The following DKC1 variants were observed in gnomAD, a reference collection of about 807,000 sequenced individuals.
The protein encoded by DKC1 is dyskerin pseudouridine synthase 1.
In DKC1, 4 loss-of-function variants were observed where a neutral mutation model predicts 46.7. That is an observed-to-expected ratio of 0.09 (90% CI 0.04 to 0.20). The LOEUF (loss-of-function observed/expected upper bound fraction) is 0.20, where lower values mean the gene tolerates loss of function less well. Among genes scored for constraint, DKC1 ranks in the 10% least tolerant of loss-of-function variants. The pLI, the probability that DKC1 is intolerant of heterozygous loss-of-function variation, is 1.00. For synonymous variants in DKC1, 141 were observed against 142.4 expected, an observed-to-expected ratio of 0.99 and a Z score of 0.07; for missense variants, 171 against 404.2, an observed-to-expected ratio of 0.42 and a Z score of 4.95.
At chrX:154,769,059 A>C (rs1557264628) in intron 8 of DKC1, 108 bp from the exon 9 acceptor site, 1 of 747,925 alleles carries the variant, frequency 1.3e-6, no homozygotes, top group East Asian at 3.2e-5. Context: ...CTGAAGACAT[A>C]ATGAGCTTGG....
intron 11 of DKC1, among the ~76,000 whole-genome samples, chrX:154,773,471 T>C (rs2148515412): frequency 9.1e-6 from 1 of 109,320 alleles, no homozygotes; most frequent in African/African-American, 3.4e-5. Context: ...TCTGTGTCCC[T>C]GATTACTTGA....
At chrX:154,767,619 T>G (rs1396685763) in intron 7 of DKC1, among the ~76,000 whole-genome samples, 1 of 112,108 alleles carries the variant, frequency 8.9e-6, no homozygotes, top group East Asian at 2.8e-4. Context: ...AATGTTTTCA[T>G]TCTGCATTTG....
intron 1 of DKC1, among the ~76,000 whole-genome samples, chrX:154,764,182 T>A (rs1056607752): frequency 9.4e-6 from 1 of 105,950 alleles, no homozygotes; most frequent in Admixed American, 1.0e-4. Context: ...TATATATATA[T>A]AAATATGTGT....
At chrX:154,766,665 T>C in intron 5 of DKC1, 1 of 435,678 alleles carries the variant, frequency 2.3e-6, no homozygotes. Flanking sequence ...CACTCCAGGC[T>C]TCTCACTCTG....
chrX:154,766,419 G>C lies in DKC1; in HGVS notation c.448+19G>C. ...AGTGCAGGTATGTGGGAGAGGGAGG[G>C]AAGGACTGGCTAGAGTGAAAAGCTT... is the stretch of plus-strand genomic sequence containing the variant. On this transcript the variant is annotated intron_variant, in intron 5 of 14. Coordinates refer to ENST00000369550, the MANE Select transcript of DKC1 (RefSeq NM_001363.5). The C allele has an allele frequency of 1.7e-6, 2 of 1,189,587 alleles. No homozygotes were observed. Among genetic ancestry groups the C allele is most frequent in the East Asian group, 3.0e-5 (1 of 33,777 alleles).
chrX:154,770,744 G>A lies in DKC1; in HGVS notation c.916-15G>A. On this transcript the variant is annotated splice_polypyrimidine_tract_variant and intron_variant, in intron 9 of 14. Coordinates refer to ENST00000369550, the MANE Select transcript of DKC1 (RefSeq NM_001363.5). ...GCAGCAGCTGGGCCCCTTACACTTG[G>A]TGCCATCTCTGCAGGTAAATGCCAT... 8.3e-7 allele frequency: 1 copy of A among 1,211,162 alleles called. No individual in the cohort carries two copies. The highest frequency in any genetic ancestry group is 1.1e-6 in the Non-Finnish European group (1 of 895,232).
At chrX:154,776,040 A>T in intron 13 of DKC1, 147 bp from the exon 14 acceptor site, 1 of 713,649 alleles carries the variant, frequency 1.4e-6, no homozygotes, top group Non-Finnish European at 2.2e-6. Context: ...TCAGTAAACT[A>T]AGGCCCTGTC....
chrX:154,776,337 A>G lies in DKC1; in HGVS notation c.1476+13A>G, dbSNP rs781810616. On this transcript the variant is annotated intron_variant, in intron 14 of 14. Coordinates refer to ENST00000369550, the MANE Select transcript of DKC1 (RefSeq NM_001363.5). ...GCCTGGAGATGGGGTGTGTGGAAAC[A>G]CGTTCAGGTTCCTTGGGCTGGCTTA... 2 of 1,180,411 alleles carry G rather than the reference A, an allele frequency of 1.7e-6. No individual in the cohort carries two copies. Among genetic ancestry groups the G allele is most frequent in the East Asian group, 6.3e-5 (2 of 31,830 alleles).
Position 154,776,819 on chromosome X carries a change from G to T in DKC1, c.1497G>T (p.Lys499Asn). Residue 499 changes from lysine (K) to asparagine (N), a missense_variant, in exon 15 of 15, where the codon AAG becomes AAT. Lys to Asn is a moderately conservative substitution (Grantham distance 94). This residue lies in a region of DKC1 where 54 missense variants were observed against 64.4 expected (regional missense o/e 0.84). Coordinates refer to ENST00000369550, the MANE Select transcript of DKC1 (RefSeq NM_001363.5). Reference sequence around the variant, plus strand: ...TCTAGGACAGTGATACCACCAAGAAGAAGAAGAAGAAGAAGAAAGCAAAAG... The same window carrying T: ...TCTAGGACAGTGATACCACCAAGAATAAGAAGAAGAAGAAGAAAGCAAAAG... The part of the protein sequence containing the change: ...PGDGDSDTTK[K>N]KKKKKKAKEV... 8.4e-7 allele frequency: 1 copy of T among 1,193,359 alleles called. No individual in the cohort carries two copies. The highest frequency in any genetic ancestry group is 1.1e-6 in the Non-Finnish European group (1 of 882,253).
At chrX:154,763,032 CG>C (rs2071700137) in intron 1 of DKC1, 51 bp downstream of exon 1, 2 of 1,046,359 alleles carry the variant, frequency 1.9e-6, no homozygotes, top group African/African-American at 1.9e-5. Flanking sequence ...ACTCGGGGAA[CG>C]GGGGTGGGGG....
At chrX:154,769,084 G>A (rs2071789491) in intron 8 of DKC1, 83 bp from the exon 9 acceptor site, 1 of 934,998 alleles carries the variant, frequency 1.1e-6, no homozygotes, top group Non-Finnish European at 1.5e-6. Flanking sequence ...GTAAACAAGT[G>A]ACATTCAGTT....
Position 154,766,369 on chromosome X carries a change from C to T in DKC1, c.417C>T (p.Ala139=). The T allele has an allele frequency of 2.5e-6, 3 of 1,210,927 alleles. No homozygotes were observed. The South Asian group carries it at 5.3e-5, about 21-fold the overall frequency. The change falls in exon 5 of 15, where the codon GCC becomes GCT. Residue 139 remains alanine (A), a synonymous_variant. Coordinates refer to ENST00000369550, the MANE Select transcript of DKC1 (RefSeq NM_001363.5). The part of the protein sequence containing the change: ...TGCLIVCIER[A]TRLVKSQQSA... ...GTTTAATCGTGTGCATAGAACGAGC[C>T]ACTCGCTTGGTGAAGTCACAACAGA...
chrX:154,773,898 C>G (rs961874297), intron 11 of DKC1, among the ~76,000 whole-genome samples: 2 of 111,880 alleles, frequency 1.8e-5, no homozygotes, highest in African/African-American at 6.5e-5. Context: ...GCGCCCCTCA[C>G]CTCCCGGACG....
chrX:154,763,287 G>A (rs2071704140), intron 1 of DKC1, among the ~76,000 whole-genome samples: 1 of 112,640 alleles, frequency 8.9e-6, no homozygotes, highest in Non-Finnish European at 1.9e-5. Context: ...ACGTGGCAGT[G>A]TCTGTGCTGC....
At chrX:154,766,026 AACTT>A (rs1308988709) in intron 4 of DKC1, 28 bp downstream of exon 4, 11 of 1,131,527 alleles carry the variant, frequency 9.7e-6, no homozygotes, top group South Asian at 5.4e-5. Context: ...GCACTGTGCA[AACTT>A]ACTTTCTTTT....
chrX:154,764,425 TA>T (rs1569558465), intron 1 of DKC1, among the ~76,000 whole-genome samples: 1 of 110,074 alleles, frequency 9.1e-6, no homozygotes, highest in African/African-American at 3.3e-5. Flanking sequence ...TATAAAAATA[TA>T]TTTTTCTTCA....
At chrX:154,775,370 C>T in intron 13 of DKC1, 97 bp downstream of exon 13, 5 of 833,887 alleles carry the variant, frequency 6.0e-6, no homozygotes, top group Non-Finnish European at 9.0e-6. Context: ...CGCAGTCCAG[C>T]CATATACGCT....
chrX:154,774,175 C>T (rs1456067897), intron 11 of DKC1, among the ~76,000 whole-genome samples: 6 of 111,989 alleles, frequency 5.4e-5, no homozygotes, highest in South Asian at 3.7e-4. Context: ...ATTTCATGCA[C>T]GTTAGTGGCT....
chrX:154,776,834 G>C lies in DKC1; in HGVS notation c.1512G>C (p.Lys504Asn), dbSNP rs1557265783. 8.3e-7 allele frequency: 1 copy of C among 1,203,466 alleles called. No homozygotes were observed. The highest frequency in any genetic ancestry group is 1.1e-6 in the Non-Finnish European group (1 of 890,934). The change falls in exon 15 of 15, where the codon AAG becomes AAC. Residue 504 changes from lysine to asparagine, a missense_variant. Lys to Asn is a moderately conservative substitution (Grantham distance 94). This residue lies in a region of DKC1 where 54 missense variants were observed against 64.4 expected (regional missense o/e 0.84). Transcript: ENST00000369550. ...CCACCAAGAAGAAGAAGAAGAAGAA[G>C]AAAGCAAAAGAGGTAGAATTGGTTT... ...SDTTKKKKKK[K>N]KAKEVELVSE
Sources: allele counts gnomAD v4.1 joint callset (sites outside exome capture counted in the v4.1 genomes callset), GRCh38; gene constraint gnomAD v4.1.1; regional missense constraint gnomAD v4.1.1; transcripts MANE v1.5; gene names NCBI Gene and HGNC (gene_info 2026-07-23, HGNC 2026-07-21).